The following ARAP2 variants were observed in gnomAD, a reference collection of about 807,000 sequenced individuals.
ARAP2 encodes the protein ArfGAP with RhoGAP domain, ankyrin repeat and PH domain 2.
A neutral mutation model predicts 194.5 loss-of-function variants in ARAP2; 148 were observed. The observed-to-expected ratio is 0.76, with a 90% confidence interval of 0.67 to 0.87. ARAP2 has a LOEUF of 0.87. Among genes scored for constraint, ARAP2 ranks in the 40% least tolerant of loss-of-function variants. The pLI is 0.00. For missense variants in ARAP2, 2,128 were observed against 1,989.7 expected (o/e 1.07, Z -1.32); for synonymous variants, 695 against 683.5 (o/e 1.02, Z -0.26).
chr4:36,211,090 C>T (rs1444600470), intron 5 of ARAP2, among the ~76,000 whole-genome samples: 1 of 152,086 alleles, frequency 6.6e-6, no homozygotes, highest in East Asian at 1.9e-4. Context: ...GTGGCCAGCC[C>T]AATCCCTCTG....
rs1325051363 is a variant in ARAP2 at position 36,229,033 on chromosome 4, C to T, written c.454G>A (p.Asp152Asn). 5 of 1,613,882 alleles carry T rather than the reference C, an allele frequency of 3.1e-6. No individual in the cohort carries two copies. The highest frequency in any genetic ancestry group is 4.2e-6 in the Non-Finnish European group (5 of 1,179,996). Residue 152 changes from aspartate (D) to asparagine (N), a missense_variant, in exon 2 of 33, where the codon GAC (aspartate) becomes AAC (asparagine). By Grantham distance (23) the Asp-to-Asn change is conservative. Coordinates refer to ENST00000303965, the MANE Select transcript of ARAP2 (RefSeq NM_015230.4). ...TGTGGTTCCTCTGCAGTGGGGAAGT[C>T]GCGTTTAGGAGGAGACAGCTTATCA... Reference protein sequence around the residue: ...SDDKLSPPKRDFPTAEEPHLN... With the variant: ...SDDKLSPPKRNFPTAEEPHLN...
In ARAP2 at chr4:36,164,932, T is replaced by C; in HGVS notation, c.2155A>G (p.Ile719Val). 1.2e-6 allele frequency: 2 copies of C among 1,614,090 alleles called. No homozygotes were observed. Among genetic ancestry groups the C allele is most frequent in the Non-Finnish European group, 1.7e-6 (2 of 1,179,912 alleles). Reference sequence around the variant, plus strand: ...TAATTACCTGCACACTTCTTACAGATGACAACACAGAGATTGATGGATGCC... The same window carrying C: ...TAATTACCTGCACACTTCTTACAGACGACAACACAGAGATTGATGGATGCC... ...DWASINLCVV[I>V]CKKCAGQHRS... Residue 719 changes from isoleucine to valine, a missense_variant, in exon 11 of 33, where the codon ATC (isoleucine) becomes GTC (valine). Ile to Val is a conservative substitution (Grantham distance 29, BLOSUM62 3). Coordinates refer to ENST00000303965, the MANE Select transcript of ARAP2 (RefSeq NM_015230.4).
chr4:36,085,204 C>T (rs1367611078), intron 28 of ARAP2, among the ~76,000 whole-genome samples: 1 of 151,954 alleles, frequency 6.6e-6, no homozygotes, highest in East Asian at 1.9e-4. Context: ...TCATTGTTTA[C>T]CTTATTGTTA....
intron 2 of ARAP2, among the ~76,000 whole-genome samples, chr4:36,056,549 T>A (rs1231473049): frequency 6.6e-6 from 1 of 152,190 alleles, no homozygotes; most frequent in East Asian, 1.9e-4. Context: ...TGTCTATATA[T>A]TTTATGTGTG....
At chr4:36,164,268 G>A (rs1734777456) in intron 11 of ARAP2, among the ~76,000 whole-genome samples, 1 of 152,102 alleles carries the variant, frequency 6.6e-6, no homozygotes, top group South Asian at 2.1e-4. Context: ...GATAACTGAA[G>A]TTTAGACTGT....
intron 5 of ARAP2, among the ~76,000 whole-genome samples, chr4:36,042,444 T>C (rs761638577): frequency 1.3e-5 from 2 of 152,240 alleles, no homozygotes; most frequent in Non-Finnish European, 2.9e-5. Flanking sequence ...AAATGCTTAA[T>C]GTGATGGACT....
chr4:36,131,134 C>T (rs1725339171), intron 20 of ARAP2, among the ~76,000 whole-genome samples: 1 of 151,602 alleles, frequency 6.6e-6, no homozygotes, highest in Non-Finnish European at 1.5e-5. Context: ...CCATCTGCAT[C>T]CTATAATCAC....
At chr4:36,214,760 T>C (rs1747536739) in intron 2 of ARAP2, among the ~76,000 whole-genome samples, 1 of 152,212 alleles carries the variant, frequency 6.6e-6, no homozygotes, top group Non-Finnish European at 1.5e-5. Context: ...GTACAAGTGT[T>C]TGCTACTCAC....
At chr4:36,152,122 T>C (rs773614263) in intron 15 of ARAP2, among the ~76,000 whole-genome samples, 5 of 152,156 alleles carry the variant, frequency 3.3e-5, no homozygotes, top group Admixed American at 6.5e-5. Context: ...CAGTGACACC[T>C]AGAGAGCTAG....
intron 31 of ARAP2, among the ~76,000 whole-genome samples, chr4:36,079,750 T>C (rs1031246368): frequency 1.3e-5 from 2 of 152,170 alleles, no homozygotes; most frequent in African/African-American, 2.4e-5. Context: ...AAGGAATACA[T>C]GAGTTATTCT....
chr4:36,107,830 T>C (rs1267320620), intron 26 of ARAP2, 137 bp from the exon 27 acceptor site: 1 of 699,240 alleles, frequency 1.4e-6, no homozygotes, highest in East Asian at 3.1e-5. Context: ...TATGTTATAT[T>C]ATACAGTAAT....
chr4:36,200,023 A>G (rs1410259814), intron 6 of ARAP2, among the ~76,000 whole-genome samples: 1 of 35,026 alleles, frequency 2.9e-5, no homozygotes, highest in Non-Finnish European at 7.4e-5. Flanking sequence ...GGTTATTTAA[A>G]ATGTATGCAT....
intron 9 of ARAP2, among the ~76,000 whole-genome samples, chr4:36,008,864 A>T (rs776949633): frequency 6.6e-6 from 1 of 152,130 alleles, no homozygotes; most frequent in Non-Finnish European, 1.5e-5. Flanking sequence ...AATACAAATA[A>T]CCTTATTCAA....
chr4:36,087,268 T>C (rs1346962480), intron 28 of ARAP2, among the ~76,000 whole-genome samples: 5 of 152,188 alleles, frequency 3.3e-5, no homozygotes, highest in East Asian at 1.9e-4. Flanking sequence ...AAAATAATCA[T>C]AGTTTGAGTT....
intron 2 of ARAP2, among the ~76,000 whole-genome samples, chr4:36,217,381 G>A (rs750764793): frequency 3.9e-5 from 6 of 152,120 alleles, no homozygotes; most frequent in Admixed American, 6.5e-5. Context: ...GCGTGGTGGC[G>A]GCACGCCAGG....
At chr4:36,174,706 G>A (rs1253971398) in intron 9 of ARAP2, among the ~76,000 whole-genome samples, 1 of 152,140 alleles carries the variant, frequency 6.6e-6, no homozygotes, top group East Asian at 1.9e-4. Context: ...AGCAACCTAA[G>A]TAATGGCCTT....
chr4:36,095,939 C>T (rs144448065), intron 27 of ARAP2, among the ~76,000 whole-genome samples: 200 of 152,156 alleles, frequency 1.3e-3, no homozygotes, highest in African/African-American at 4.5e-3. Context: ...CACAGGATAA[C>T]GCACACACAA....
chr4:36,214,819 A>G (rs1747554195), intron 2 of ARAP2, among the ~76,000 whole-genome samples: 1 of 152,258 alleles, frequency 6.6e-6, no homozygotes, highest in Admixed American at 6.5e-5. Context: ...TAATATGCAC[A>G]TAAAGTAATT....
At chr4:36,062,972 C>A (rs1435570172), downstream of ARAP2, among the ~76,000 whole-genome samples, 2 of 152,098 alleles carry the variant, frequency 1.3e-5, no homozygotes, top group African/African-American at 4.8e-5. Flanking sequence ...GTACACATGA[C>A]AGAAAAATGG....
Sources: gnomAD v4.1 joint callset for allele counts (sites outside exome capture counted in the v4.1 genomes callset) on GRCh38, gnomAD v4.1.1 for gene constraint, MANE v1.5 for transcripts, NCBI Gene and HGNC (gene_info 2026-07-23, HGNC 2026-07-21) for gene names.